VAV3: variants seen among roughly 807,000 people sequenced by gnomAD.
VAV3 encodes guanine nucleotide exchange factor VAV3.
A neutral mutation model predicts 131.2 loss-of-function variants in VAV3; 94 were observed. The ratio of observed to expected loss-of-function variants is 0.72; its 90% CI spans 0.61 to 0.85. The LOEUF (loss-of-function observed/expected upper bound fraction) is 0.85. Ranked by LOEUF, VAV3 falls within the 40% of genes least tolerant of loss-of-function variation. VAV3 has a pLI of 0.00. For synonymous variants in VAV3, 349 were observed against 342.0 expected, an observed-to-expected ratio of 1.02 and a Z score of -0.22; for missense variants, 939 against 1,002.7, an observed-to-expected ratio of 0.94 and a Z score of 0.86.
At chr1:107,734,070 A>G (rs1662435394) in intron 15 of VAV3, among the ~76,000 whole-genome samples, 1 of 152,220 alleles carries the variant, frequency 6.6e-6, no homozygotes, top group African/African-American at 2.4e-5. Flanking sequence ...ATTTTTAAAG[A>G]ACAGAATTTT....
chr1:107,722,349 G>A (rs966841799), intron 15 of VAV3, among the ~76,000 whole-genome samples: 22 of 152,130 alleles, frequency 1.4e-4, no homozygotes, highest in African/African-American at 5.1e-4. Flanking sequence ...GTGATTTTGG[G>A]ATTCTCTATT....
intron 2 of VAV3, among the ~76,000 whole-genome samples, chr1:107,829,260 G>A (rs1426029337): frequency 6.6e-6 from 1 of 152,048 alleles, no homozygotes; most frequent in Non-Finnish European, 1.5e-5. Context: ...TTTAAATCTG[G>A]GTTGACTCAC....
intron 1 of VAV3, among the ~76,000 whole-genome samples, chr1:107,912,328 T>A (rs1387234779): frequency 6.6e-6 from 1 of 152,206 alleles, no homozygotes; most frequent in East Asian, 1.9e-4. Context: ...GCTCAGGTTT[T>A]AAAAATGCAT....
At chr1:107,792,703 C>G (rs1353623987) in intron 2 of VAV3, among the ~76,000 whole-genome samples, 1 of 152,138 alleles carries the variant, frequency 6.6e-6, no homozygotes, top group Non-Finnish European at 1.5e-5. Flanking sequence ...TCGCTTGAAA[C>G]TTAGGGACTT....
intron 1 of VAV3, among the ~76,000 whole-genome samples, chr1:107,954,320 T>C (rs1466138143): frequency 6.6e-6 from 1 of 152,186 alleles, no homozygotes; most frequent in African/African-American, 2.4e-5. Flanking sequence ...CATTAAACCA[T>C]GTGCTTGAGA....
At chr1:107,805,733 G>A (rs184278602) in intron 2 of VAV3, among the ~76,000 whole-genome samples, 4 of 152,232 alleles carry the variant, frequency 2.6e-5, no homozygotes, top group Admixed American at 6.5e-5. Context: ...ATGCATCTCC[G>A]TGTCTTTATT....
chr1:107,661,600 G>C (rs892189401), intron 19 of VAV3, among the ~76,000 whole-genome samples: 2 of 152,160 alleles, frequency 1.3e-5, no homozygotes, highest in Admixed American at 6.5e-5. Flanking sequence ...AAAGTATAGT[G>C]TTTGGTGTCC....
intron 15 of VAV3, 131 bp from the exon 16 acceptor site, chr1:107,705,192 T>C: frequency 1.4e-6 from 1 of 710,782 alleles, no homozygotes; most frequent in East Asian, 2.7e-5. Flanking sequence ...CTACTAAATG[T>C]GCAATGTTTT....
intron 22 of VAV3, among the ~76,000 whole-genome samples, chr1:107,603,840 C>G (rs1652058908): frequency 6.7e-6 from 1 of 149,968 alleles, no homozygotes; most frequent in Admixed American, 6.6e-5. Context: ...GAGCTTCTCT[C>G]TCTTGCCCAG....
intron 19 of VAV3, among the ~76,000 whole-genome samples, chr1:107,669,699 A>G (rs1255020249): frequency 6.6e-6 from 1 of 151,432 alleles, no homozygotes; most frequent in Non-Finnish European, 1.5e-5. Context: ...CTTTTTTTTT[A>G]GATTGTCATC....
At chr1:107,872,347 G>A (rs1181235868) in intron 2 of VAV3, among the ~76,000 whole-genome samples, 2 of 152,060 alleles carry the variant, frequency 1.3e-5, no homozygotes, top group African/African-American at 2.4e-5. Flanking sequence ...ACATTCTTTG[G>A]CAAAAAGATG....
chr1:107,861,836 G>A (rs746053439), intron 2 of VAV3, among the ~76,000 whole-genome samples: 7 of 151,656 alleles, frequency 4.6e-5, no homozygotes, highest in African/African-American at 2.4e-5. Context: ...CAAAGAATGA[G>A]AGTAGCAAGG....
intron 15 of VAV3, among the ~76,000 whole-genome samples, chr1:107,730,909 G>A (rs536672310): frequency 8.5e-4 from 129 of 152,236 alleles, no homozygotes; most frequent in African/African-American, 3.0e-3. Flanking sequence ...TGAGATGCAA[G>A]CTCAGCTTCT....
At chr1:107,640,648 C>T (rs1438594610) in intron 20 of VAV3, among the ~76,000 whole-genome samples, 1 of 152,144 alleles carries the variant, frequency 6.6e-6, no homozygotes, top group Non-Finnish European at 1.5e-5. Context: ...GCACAGTTTA[C>T]CATCCATCTC....
intron 1 of VAV3, among the ~76,000 whole-genome samples, chr1:107,903,171 TA>T (rs1671952011): frequency 6.6e-6 from 1 of 152,070 alleles, no homozygotes. Context: ...TTTAATTTTT[TA>T]AAAAAATCTG....
chr1:107,729,366 T>C (rs2101960979), intron 15 of VAV3, among the ~76,000 whole-genome samples: 1 of 152,224 alleles, frequency 6.6e-6, no homozygotes, highest in South Asian at 2.1e-4. Context: ...GATGAGAGAA[T>C]TGTGTTTCTG....
At chr1:107,640,604 T>G (rs1655271748) in intron 20 of VAV3, among the ~76,000 whole-genome samples, 1 of 152,204 alleles carries the variant, frequency 6.6e-6, no homozygotes, top group Admixed American at 6.6e-5. Flanking sequence ...CGTATGTGTG[T>G]GTTCAAACTT....
At chr1:107,702,714 G>A (rs889419227) in intron 17 of VAV3, among the ~76,000 whole-genome samples, 3 of 150,858 alleles carry the variant, frequency 2.0e-5, no homozygotes, top group African/African-American at 7.3e-5. Context: ...TTATTTTAAA[G>A]TTTGGTGCTC....
At chr1:107,713,566 T>C (rs1445152675) in intron 15 of VAV3, among the ~76,000 whole-genome samples, 1 of 152,058 alleles carries the variant, frequency 6.6e-6, no homozygotes, top group African/African-American at 2.4e-5. Flanking sequence ...AAACATGTAC[T>C]AGCAATCAAA....
Sources: allele counts gnomAD v4.1 joint callset (sites outside exome capture counted in the v4.1 genomes callset), GRCh38; gene constraint gnomAD v4.1.1; transcripts MANE v1.5; gene names NCBI Gene and HGNC (gene_info 2026-07-23, HGNC 2026-07-21).